Variants in KDM6A observed in about 807,000 individuals in gnomAD.
The protein encoded by KDM6A is lysine demethylase 6A.
Under a neutral mutation model 117.6 loss-of-function variants are expected in KDM6A, and 11 were observed. The observed-to-expected ratio is 0.09, with a 90% CI of 0.06 to 0.15. The LOEUF (loss-of-function observed/expected upper bound fraction) is 0.15, where lower values mean the gene tolerates loss of function less well. KDM6A is among the 10% of genes least tolerant of loss of function. The pLI, the probability that KDM6A is intolerant of heterozygous loss-of-function variation, is 1.00. For synonymous variants in KDM6A, 384 were observed against 396.1 expected (o/e 0.97, Z 0.36); for missense variants, 799 against 1,077.3 (o/e 0.74, Z 3.62).
rs761943364 is a variant in KDM6A at position 44,926,921 on chromosome X, A to G, written c.226-34363A>G. 1.0e-3 allele frequency among the ~76,000 whole-genome samples: 115 copies of G among 111,415 alleles called. 1 individual carries two copies. The highest frequency in any genetic ancestry group is 1.8e-3 in the Non-Finnish European group (97 of 53,060). On this transcript the variant is annotated intron_variant, in intron 2 of 29. Coordinates refer to ENST00000611820, the MANE Select transcript of KDM6A (RefSeq NM_001291415.2). ...TTTTCCAATCCTTACTTGGCCAGTA[A>G]TTGTGTCTCGGTTTCCCAGTCTGTA...
At chrX:44,943,254 A>G (rs923199559) in intron 2 of KDM6A, among the ~76,000 whole-genome samples, 4 of 111,714 alleles carry the variant, frequency 3.6e-5, no homozygotes, top group Non-Finnish European at 5.6e-5. Flanking sequence ...CCTGGTCCAT[A>G]TAAAAGTTCT....
intron 4 of KDM6A, among the ~76,000 whole-genome samples, chrX:44,994,374 C>T (rs1355519844): frequency 6.3e-5 from 7 of 111,637 alleles, no homozygotes; most frequent in Non-Finnish European, 1.3e-4. Context: ...GTCTTTCTGT[C>T]TCTGGCTTAT....
At chrX:45,024,956 T>C (rs1425149231) in intron 6 of KDM6A, among the ~76,000 whole-genome samples, 1 of 112,006 alleles carries the variant, frequency 8.9e-6, no homozygotes, top group Non-Finnish European at 1.9e-5. Context: ...GATCCTATGG[T>C]GTTATTTTTA....
chrX:45,006,163 G>GCCCCCCCCC (rs746542278), intron 4 of KDM6A, among the ~76,000 whole-genome samples: 1 of 72,741 alleles, frequency 1.4e-5, no homozygotes, highest in Non-Finnish European at 2.6e-5. Context: ...CCAGCCCTGC[G>GCCCCCCCCC]CCCCCCCCCG....
intron 4 of KDM6A, among the ~76,000 whole-genome samples, chrX:45,000,747 C>T (rs764779976): frequency 1.5e-4 from 17 of 112,663 alleles, no homozygotes; most frequent in African/African-American, 5.5e-4. Flanking sequence ...GCTGGATGGC[C>T]CTCGGGGGCT....
chrX:44,999,344 C>A (rs888983328), intron 4 of KDM6A, among the ~76,000 whole-genome samples: 1 of 111,672 alleles, frequency 9.0e-6, no homozygotes, highest in Non-Finnish European at 1.9e-5. Context: ...ACACACGTGG[C>A]CGCCGCTGCT....
intron 8 of KDM6A, among the ~76,000 whole-genome samples, chrX:45,051,115 T>C (rs1322460394): frequency 1.8e-5 from 2 of 111,575 alleles, no homozygotes; most frequent in Non-Finnish European, 3.8e-5. Context: ...TTTCAAGCGA[T>C]TCTCCTGCCT....
At chrX:44,964,551 G>T (rs924807217) in intron 3 of KDM6A, among the ~76,000 whole-genome samples, 5 of 110,911 alleles carry the variant, frequency 4.5e-5, no homozygotes, top group Non-Finnish European at 7.5e-5. Flanking sequence ...ACATTAATCT[G>T]CTTGTACATC....
At chrX:45,027,307 TACAC>T (rs374328149) in intron 6 of KDM6A, among the ~76,000 whole-genome samples, 7 of 96,110 alleles carry the variant, frequency 7.3e-5, no homozygotes, top group East Asian at 3.2e-4. Context: ...GAGACACACA[TACAC>T]ACACACACAC....
intron 25 of KDM6A, among the ~76,000 whole-genome samples, chrX:45,088,109 C>G (rs1005097484): frequency 7.2e-5 from 8 of 111,389 alleles, no homozygotes; most frequent in Non-Finnish European, 1.3e-4. Flanking sequence ...AAAGTTTTCT[C>G]TAATTTTGTA....
intron 2 of KDM6A, among the ~76,000 whole-genome samples, chrX:44,891,477 T>A (rs2033358160): frequency 8.9e-6 from 1 of 111,966 alleles, no homozygotes; most frequent in Admixed American, 9.5e-5. Flanking sequence ...TCTATTATGT[T>A]CGATTTGTCT....
chrX:45,106,201 A>G lies in KDM6A; in HGVS notation c.4035-1209A>G, dbSNP rs371499836. Among the ~76,000 whole-genome samples, 52 of 111,816 alleles carry G rather than the reference A, an allele frequency of 4.7e-4. No homozygotes were observed. In the South Asian group the frequency reaches 0.018, roughly 39 times the overall value. On this transcript the variant is annotated intron_variant, in intron 27 of 29. Coordinates refer to ENST00000611820, the MANE Select transcript of KDM6A (RefSeq NM_001291415.2). Reference sequence around the variant, plus strand: ...GCACTTAAGGAATTGACCTACAACTATAAAATTGATATTGTTTTATATTTG... The same window carrying G: ...GCACTTAAGGAATTGACCTACAACTGTAAAATTGATATTGTTTTATATTTG...
intron 4 of KDM6A, among the ~76,000 whole-genome samples, chrX:44,995,596 C>T (rs770324524): frequency 4.5e-5 from 5 of 110,194 alleles, no homozygotes; most frequent in East Asian, 5.7e-4. Flanking sequence ...CTCAGCCTCC[C>T]GAGTAGCTGG....
chrX:45,040,283 ACCTC>A (rs2043022432), intron 8 of KDM6A, among the ~76,000 whole-genome samples: 1 of 72,126 alleles, frequency 1.4e-5, no homozygotes. Flanking sequence ...TGACCCCCCC[ACCTC>A]CCTCCCGGAC....
intron 2 of KDM6A, among the ~76,000 whole-genome samples, chrX:44,915,729 C>T (rs1301601045): frequency 9.0e-6 from 1 of 111,546 alleles, no homozygotes; most frequent in Non-Finnish European, 1.9e-5. Flanking sequence ...ACACTGCCCA[C>T]TGTTAGTCCA....
chrX:44,974,732 A>T lies in KDM6A; in HGVS notation c.384+17A>T. On this transcript the variant is annotated intron_variant, in intron 4 of 29. Transcript: ENST00000611820. ...TACTGGAAGGTTAGTGTACATTTGC[A>T]TGCTGATTTCATGTTTGTGTTTTGG... 8.8e-7 allele frequency: 1 copy of T among 1,139,320 alleles called. No individual in the cohort carries two copies. Among genetic ancestry groups the T allele is most frequent in the Non-Finnish European group, 1.2e-6 (1 of 829,333 alleles). The allele number at this position is 1,139,320 out of a possible 1,213,427, so 93.9% of individuals were successfully genotyped here. A position where few individuals can be genotyped will look rare whatever the true frequency, so the allele number is the denominator to read the frequency against.
chrX:45,022,306 A>G (rs1693436863), intron 6 of KDM6A, among the ~76,000 whole-genome samples: 1 of 112,358 alleles, frequency 8.9e-6, no homozygotes, highest in African/African-American at 3.2e-5. Flanking sequence ...TGGTGGGAAC[A>G]TTCCTGCATA....
At chrX:44,988,072 C>T (rs896053715) in intron 4 of KDM6A, among the ~76,000 whole-genome samples, 6 of 112,022 alleles carry the variant, frequency 5.4e-5, no homozygotes, top group South Asian at 3.7e-4. Context: ...GGTCTTTTCA[C>T]GTAGTCCCGT....
At chrX:44,979,998 C>CT (rs56817217) in intron 4 of KDM6A, among the ~76,000 whole-genome samples, 1,069 of 71,258 alleles carry the variant, frequency 0.015, 18 homozygotes, top group South Asian at 0.026. Context: ...TCTTTCTTTC[C>CT]TTTTTTTTTT....
Sources: allele counts gnomAD v4.1 joint callset (sites outside exome capture counted in the v4.1 genomes callset), GRCh38; gene constraint gnomAD v4.1.1; transcripts MANE v1.5; gene names NCBI Gene and HGNC (gene_info 2026-07-23, HGNC 2026-07-21).